PTPRD: variants seen among roughly 807,000 people sequenced by gnomAD.
PTPRD encodes the protein receptor-type tyrosine-protein phosphatase delta.
Under a neutral mutation model 214.5 loss-of-function variants are expected in PTPRD, and 34 were observed. The observed-to-expected ratio is 0.16, with a 90% CI of 0.12 to 0.21. The LOEUF is 0.21. Among genes scored for constraint, PTPRD ranks in the 10% least tolerant of loss-of-function variants. PTPRD has a pLI of 1.00. For synonymous variants in PTPRD, 1,128 were observed against 845.7 expected (o/e 1.33, Z -5.79); for missense variants, 2,545 against 2,398.7 (o/e 1.06, Z -1.27).
At chr9:9,495,538 G>C (rs1589856997) in intron 8 of PTPRD, among the ~76,000 whole-genome samples, 1 of 152,160 alleles carries the variant, frequency 6.6e-6, no homozygotes, top group East Asian at 1.9e-4. Flanking sequence ...TAGAGGGAGA[G>C]ACAGCTGGAC....
intron 10 of PTPRD, among the ~76,000 whole-genome samples, chr9:9,172,370 C>T (rs1230062518): frequency 6.6e-6 from 1 of 152,072 alleles, no homozygotes; most frequent in Non-Finnish European, 1.5e-5. Flanking sequence ...TGTTTGGGAT[C>T]CAAGCATGTA....
chr9:10,297,117 AT>A (rs2095699792), intron 3 of PTPRD, among the ~76,000 whole-genome samples: 1 of 147,048 alleles, frequency 6.8e-6, no homozygotes, highest in Non-Finnish European at 1.5e-5. Flanking sequence ...ATATATATAT[AT>A]ATAAAATATA....
chr9:9,084,234 G>A (rs542830651), intron 10 of PTPRD, among the ~76,000 whole-genome samples: 1 of 152,310 alleles, frequency 6.6e-6, no homozygotes, highest in South Asian at 2.1e-4. Flanking sequence ...GAAAAAGGAT[G>A]AGTTCATGCC....
At position 10,312,220 on chromosome 9, in the gene PTPRD, G is replaced by T. The variant is rs1226691808; in HGVS notation, c.-545+28743C>A. Among the ~76,000 whole-genome samples the T allele has an allele frequency of 6.6e-5, 10 of 152,084 alleles. No individual in the cohort carries two copies. The East Asian group carries it at 1.2e-3, about 18-fold the overall frequency. ...AACTGATTTTTCATTACATACTCCA[G>T]TGCCAACATTGGAATAAAAAGGTAA... On this transcript the variant is annotated intron_variant, in intron 3 of 45. Transcript: ENST00000381196.
At chr9:9,519,976 G>A (rs1281948719) in intron 8 of PTPRD, among the ~76,000 whole-genome samples, 1 of 151,932 alleles carries the variant, frequency 6.6e-6, no homozygotes, top group African/African-American at 2.4e-5. Context: ...ATAAAATAAT[G>A]GAAAAGTACA....
chr9:10,252,494 T>C (rs10958979), intron 3 of PTPRD, among the ~76,000 whole-genome samples: 89,633 of 151,814 alleles, frequency 0.59, 28,027 homozygotes, highest in East Asian at 0.73. Flanking sequence ...TCCCCCATTT[T>C]CATGAGAAAC....
chr9:9,730,462 A>G (rs2098169185), intron 7 of PTPRD, among the ~76,000 whole-genome samples: 1 of 152,118 alleles, frequency 6.6e-6, no homozygotes, highest in African/African-American at 2.4e-5. Context: ...ACACAGATCC[A>G]AAATTGGGGC....
rs73641498 is a variant in PTPRD, at chr9:9,403,993, G to A, written c.-236-6511C>T. The stretch of plus-strand genomic sequence containing the variant: ...ACAAGCCAGCCATGCAAGGTAAGAA[G>A]ACAGAATGTTTATGTAAAGGAACAG... On this transcript the variant is annotated intron_variant, in intron 8 of 45. Coordinates refer to ENST00000381196, the MANE Select transcript of PTPRD (RefSeq NM_002839.4). 5.3e-3 allele frequency among the ~76,000 whole-genome samples: 807 copies of A among 152,172 alleles called. 6 individuals carry two copies. Among genetic ancestry groups the A allele is most frequent in the African/African-American group, 0.018 (764 of 41,546 alleles).
intron 5 of PTPRD, among the ~76,000 whole-genome samples, chr9:9,780,256 G>A (rs1418730890): frequency 1.3e-5 from 2 of 152,142 alleles, no homozygotes; most frequent in Admixed American, 1.3e-4. Flanking sequence ...CAGATTCCAA[G>A]AGGGGTCAGT....
chr9:9,917,038 A>G (rs1356871561), intron 5 of PTPRD, among the ~76,000 whole-genome samples: 1 of 151,796 alleles, frequency 6.6e-6, no homozygotes, highest in Non-Finnish European at 1.5e-5. Context: ...AATGTACCAA[A>G]ACCTATGGAA....
At chr9:8,871,819 T>C (rs901300287) in intron 11 of PTPRD, among the ~76,000 whole-genome samples, 3 of 152,180 alleles carry the variant, frequency 2.0e-5, no homozygotes, top group African/African-American at 7.2e-5. Context: ...CAAAATTTCG[T>C]GTGACATTTC....
At chr9:8,814,068 G>C (rs948307637) in intron 11 of PTPRD, among the ~76,000 whole-genome samples, 4 of 152,170 alleles carry the variant, frequency 2.6e-5, no homozygotes, top group Admixed American at 2.6e-4. Flanking sequence ...TCTCCCCAGA[G>C]CACAGCACCT....
chr9:9,810,189 C>A (rs2046709939), intron 5 of PTPRD, among the ~76,000 whole-genome samples: 1 of 143,114 alleles, frequency 7.0e-6, no homozygotes, highest in African/African-American at 2.7e-5. Context: ...TTTTAAGAAG[C>A]ATTTTATTTT....
chr9:10,315,164 T>C (rs1482907492), intron 3 of PTPRD, among the ~76,000 whole-genome samples: 3 of 151,984 alleles, frequency 2.0e-5, no homozygotes, highest in Non-Finnish European at 4.4e-5. Context: ...AGATCTAGCA[T>C]GAATGGCTTG....
chr9:10,446,561 A>T (rs1041651095), intron 2 of PTPRD, among the ~76,000 whole-genome samples: 5 of 151,908 alleles, frequency 3.3e-5, no homozygotes. Flanking sequence ...GATTTTAAAA[A>T]ATCATAAATG....
chr9:9,679,888 C>T (rs1485870450), intron 7 of PTPRD, among the ~76,000 whole-genome samples: 1 of 151,748 alleles, frequency 6.6e-6, no homozygotes, highest in African/African-American at 2.4e-5. Flanking sequence ...TAAATAACAG[C>T]ACATTGGAGT....
chr9:9,328,397 A>C (rs1188965753), intron 9 of PTPRD, among the ~76,000 whole-genome samples: 6 of 152,006 alleles, frequency 3.9e-5, no homozygotes, highest in African/African-American at 9.7e-5. Flanking sequence ...TAAAGTGGAG[A>C]CAGCTTAATG....
At chr9:8,492,265 G>A (rs968300979) in intron 27 of PTPRD, among the ~76,000 whole-genome samples, 1 of 152,064 alleles carries the variant, frequency 6.6e-6, no homozygotes, top group African/African-American at 2.4e-5. Flanking sequence ...TCTTCTAAGG[G>A]GATTTGTTTT....
chr9:8,918,269 TAGAG>T (rs1162853639), intron 11 of PTPRD, among the ~76,000 whole-genome samples: 5 of 152,022 alleles, frequency 3.3e-5, no homozygotes, highest in Admixed American at 2.6e-4. Context: ...ACTCTTAAAA[TAGAG>T]AGAAAGCAGA....
Sources: allele counts gnomAD v4.1 joint callset (sites outside exome capture counted in the v4.1 genomes callset), GRCh38; gene constraint gnomAD v4.1.1; transcripts MANE v1.5; gene names NCBI Gene and HGNC (gene_info 2026-07-23, HGNC 2026-07-21).